The following PLEKHG5 variants were observed in gnomAD, a reference collection of about 807,000 sequenced individuals.
PLEKHG5 encodes the protein pleckstrin homology and RhoGEF domain containing G5.
PLEKHG5 carries 52 observed loss-of-function variants against 103.8 expected under a neutral mutation model. That is an observed-to-expected ratio of 0.50 (90% confidence interval 0.40 to 0.63). PLEKHG5 has a LOEUF of 0.63. Ranked by LOEUF, PLEKHG5 falls within the 30% of genes least tolerant of loss-of-function variation. The pLI, the probability that PLEKHG5 is intolerant of heterozygous loss-of-function variation, is 0.00. For synonymous variants in PLEKHG5, 592 were observed against 575.5 expected (o/e 1.03, Z -0.41); for missense variants, 1,205 against 1,347.6 (o/e 0.89, Z 1.66).
chr1:6,478,736 C>T (rs191252789), intron 1 of PLEKHG5, among the ~76,000 whole-genome samples: 47 of 152,064 alleles, frequency 3.1e-4, no homozygotes, highest in Middle Eastern at 6.8e-3. Context: ...CTCCGCCTCC[C>T]GGGTTCAAGT....
rs748880096 is a variant in PLEKHG5, at chr1:6,472,982, T to A, written c.984+4A>T. On this transcript the variant is annotated splice_donor_region_variant and intron_variant, in intron 9 of 20. Coordinates refer to ENST00000377728, the MANE Select transcript of PLEKHG5 (RefSeq NM_020631.6). ...GAGGGAGCAGCACTGTGGCCCGCACTCACCTCATGCCCATCAATGAGCTCC... is the reference window on the plus strand; with the variant it reads ...GAGGGAGCAGCACTGTGGCCCGCACACACCTCATGCCCATCAATGAGCTCC... 2 of 1,613,510 alleles carry A rather than the reference T, an allele frequency of 1.2e-6. No individual in the cohort carries two copies. Among genetic ancestry groups the A allele is most frequent in the South Asian group, 2.2e-5 (2 of 91,082 alleles).
intron 1 of PLEKHG5, chr1:6,485,570 C>T: frequency 1.1e-6 from 1 of 915,196 alleles, no homozygotes; most frequent in Non-Finnish European, 1.4e-6. Context: ...GGGCCCGGAA[C>T]AGCCCCCAGC....
At chr1:6,497,265 G>C (rs1293830363), upstream of PLEKHG5, 10 of 905,346 alleles carry the variant, frequency 1.1e-5, no homozygotes, top group South Asian at 1.3e-4. The surrounding 1 kb of genome is among the most constrained non-coding windows in gnomAD (Gnocchi z 6.1). Context: ...GTTAGGAGCC[G>C]GCCCGGCCCC....
At chr1:6,483,494 C>T (rs191922805) in intron 1 of PLEKHG5, among the ~76,000 whole-genome samples, 1 of 152,138 alleles carries the variant, frequency 6.6e-6, no homozygotes, top group African/African-American at 2.4e-5. Flanking sequence ...TGAGATCCTG[C>T]CTCTACAAAA....
intron 6 of PLEKHG5, 25 bp from the exon 7 acceptor site, chr1:6,474,189 C>T: frequency 6.2e-7 from 1 of 1,612,558 alleles, no homozygotes; most frequent in Non-Finnish European, 8.5e-7. Context: ...CACGAGAGAT[C>T]CTCAGTACCC....
intron 1 of PLEKHG5, among the ~76,000 whole-genome samples, chr1:6,511,456 G>A (rs964580614): frequency 2.0e-5 from 3 of 152,206 alleles, no homozygotes; most frequent in African/African-American, 7.2e-5. Context: ...TGTATGAAAG[G>A]ACCCCGCTTG....
intron 1 of PLEKHG5, among the ~76,000 whole-genome samples, chr1:6,489,449 C>A (rs1048920125): frequency 6.6e-6 from 1 of 152,224 alleles, no homozygotes; most frequent in Non-Finnish European, 1.5e-5. Flanking sequence ...CCGCACGGGC[C>A]CTGGAAGCCA....
chr1:6,500,893 C>T (rs925948008), upstream of PLEKHG5, among the ~76,000 whole-genome samples: 4 of 152,190 alleles, frequency 2.6e-5, no homozygotes, highest in South Asian at 2.1e-4. Context: ...AGTTCTCCCC[C>T]GACCCTGTCT....
intron 1 of PLEKHG5, among the ~76,000 whole-genome samples, chr1:6,506,608 A>T (rs763005109): frequency 9.2e-5 from 14 of 152,132 alleles, no homozygotes; most frequent in Admixed American, 2.6e-4. Context: ...CCCCAGTGGA[A>T]CCCTGCAGGA....
In PLEKHG5 at chr1:6,468,223, G is replaced by A; in HGVS notation, c.2613C>T (p.Pro871=). ...CCTCGGACTTAGACTTGAGCAGGTG[G>A]GGCGGGCAGCTCAACAGCTGGACAG... ...RTPVQLLSCP[P]HLLKSKSEAS... Residue 871 remains proline, a synonymous_variant, in exon 20 of 21, where the codon CCC becomes CCT. Coordinates refer to ENST00000377728, the MANE Select transcript of PLEKHG5 (RefSeq NM_020631.6). 1.3e-6 allele frequency: 2 copies of A among 1,589,868 alleles called. No individual in the cohort carries two copies. The highest frequency in any genetic ancestry group is 1.7e-6 in the Non-Finnish European group (2 of 1,165,476).
intron 1 of PLEKHG5, among the ~76,000 whole-genome samples, chr1:6,489,501 G>A (rs1287411321): frequency 6.6e-6 from 1 of 152,198 alleles, no homozygotes; most frequent in Non-Finnish European, 1.5e-5. Flanking sequence ...TGGCTAGTAT[G>A]CCCAAGGCTG....
At chr1:6,497,369 G>A, upstream of PLEKHG5, 2 of 1,077,100 alleles carry the variant, frequency 1.9e-6, no homozygotes, top group Non-Finnish European at 2.3e-6. This position sits in a 1 kb window ranked among gnomAD's most constrained non-coding sequence, Gnocchi z 6.1. Context: ...GGGCGGGGGC[G>A]CCGGGGACGC....
At chr1:6,475,811 G>A in intron 3 of PLEKHG5, 120 bp downstream of exon 3, 1 of 905,598 alleles carries the variant, frequency 1.1e-6, no homozygotes, top group Non-Finnish European at 1.8e-6. Context: ...GGCGTGGGAA[G>A]AGGTCTGCCC....
In PLEKHG5 at chr1:6,516,891, T is replaced by C. The variant is rs866065013; in HGVS notation, c.-165+2554A>G. 9.7e-4 allele frequency among the ~76,000 whole-genome samples: 97 copies of C among 99,530 alleles called. 1 individual carries two copies. Among genetic ancestry groups the C allele is most frequent in the African/African-American group, 4.2e-3 (83 of 19,568 alleles). 65.3% of individuals were successfully genotyped at this position (99,530 alleles called of 152,430 possible). The stretch of plus-strand genomic sequence containing the variant: ...GTATATATATATATATATATACACA[T>C]ATATATATATATATACACACACACA... On this transcript the variant is annotated intron_variant, in intron 1 of 21. Transcript: ENST00000377740.
At position 6,473,355 on chromosome 1, in the gene PLEKHG5, C is replaced by G; in HGVS notation, c.691G>C (p.Gly231Arg). The change falls in exon 8 of 21, where the codon GGC becomes CGC. Residue 231 changes from glycine (G) to arginine (R), a missense_variant. Coordinates refer to ENST00000377728, the MANE Select transcript of PLEKHG5 (RefSeq NM_020631.6). ...CCAGTGTTGGTGCTGCCACTGCTGC[C>G]GCTGGGCAGAGAGCAGCTGGAGGGC... is the stretch of plus-strand genomic sequence containing the variant. Reference protein sequence around the residue: ...PTPSSCSLPSGSSGSTNTGDS... With the variant: ...PTPSSCSLPSRSSGSTNTGDS... 2 of 1,551,912 alleles carry G rather than the reference C, an allele frequency of 1.3e-6. No individual in the cohort carries two copies. Among genetic ancestry groups the G allele is most frequent in the South Asian group, 1.2e-5 (1 of 84,298 alleles).
chr1:6,484,446 G>A (rs532389276), intron 1 of PLEKHG5, among the ~76,000 whole-genome samples: 3 of 152,322 alleles, frequency 2.0e-5, no homozygotes, highest in East Asian at 1.9e-4. Context: ...GGTGGTTTCC[G>A]ACTTCGTCGA....
At chr1:6,481,138 C>T (rs1644886740) in intron 1 of PLEKHG5, among the ~76,000 whole-genome samples, 1 of 152,178 alleles carries the variant, frequency 6.6e-6, no homozygotes, top group Non-Finnish European at 1.5e-5. Context: ...CCATCCCCCA[C>T]AATATGTTGT....
intron 1 of PLEKHG5, among the ~76,000 whole-genome samples, chr1:6,516,890 A>G (rs1191516151): frequency 3.2e-4 from 1 of 3,140 alleles, no homozygotes; most frequent in African/African-American, 3.4e-4. Context: ...ATATATACAC[A>G]TATATATATA....
chr1:6,518,568 A>G (rs1237326261), intron 1 of PLEKHG5, among the ~76,000 whole-genome samples: 1 of 151,756 alleles, frequency 6.6e-6, no homozygotes, highest in Non-Finnish European at 1.5e-5. Flanking sequence ...CCAAAAAAAA[A>G]AAAAAAAGAA....
Sources: gnomAD v4.1 joint callset for allele counts (sites outside exome capture counted in the v4.1 genomes callset) on GRCh38, gnomAD v4.1.1 for gene constraint, Gnocchi (gnomAD v3.1) non-coding constraint, MANE v1.5 for transcripts, NCBI Gene and HGNC (gene_info 2026-07-23, HGNC 2026-07-21) for gene names.